CCBE1: variants seen among roughly 807,000 people sequenced by gnomAD.
CCBE1 encodes collagen and calcium-binding EGF domain-containing protein 1.
Under a neutral mutation model 50.0 loss-of-function variants are expected in CCBE1, and 37 were observed. The observed-to-expected ratio is 0.74, with a 90% confidence interval of 0.57 to 0.97. The LOEUF (loss-of-function observed/expected upper bound fraction) is 0.97. Among genes scored for constraint, CCBE1 ranks in the 50% least tolerant of loss-of-function variants. The pLI, the probability that CCBE1 is intolerant of heterozygous loss-of-function variation, is 0.00. For synonymous variants in CCBE1, 234 were observed against 203.7 expected (o/e 1.15, Z -1.27); for missense variants, 538 against 523.8 (o/e 1.03, Z -0.26).
chr18:59,472,464 A>AT (rs1386239762), intron 3 of CCBE1, among the ~76,000 whole-genome samples: 2 of 152,192 alleles, frequency 1.3e-5, no homozygotes, highest in African/African-American at 4.8e-5. Context: ...ATCACCAGAG[A>AT]TCCCCTCAAT....
At position 59,696,627 on chromosome 18, in the gene CCBE1, A is replaced by G. The variant is rs763082523; in HGVS notation, c.212+2T>C. 6.2e-7 allele frequency: 1 copy of G among 1,613,742 alleles called. No individual in the cohort carries two copies. The highest frequency in any genetic ancestry group is 8.5e-7 in the Non-Finnish European group (1 of 1,179,930). On this transcript the variant is annotated splice_donor_variant, in intron 2 of 10. Coordinates refer to ENST00000439986, the MANE Select transcript of CCBE1 (RefSeq NM_133459.4). LOFTEE classifies it high-confidence loss of function. ...AACAGCCCGCAGAGCCCCCAGGCTT[A>G]CCTGTAGCATGTGGTGAGCTCGCCT...
chr18:59,537,326 C>T (rs1326772474), intron 2 of CCBE1, among the ~76,000 whole-genome samples: 1 of 152,198 alleles, frequency 6.6e-6, no homozygotes, highest in Admixed American at 6.5e-5. Context: ...TTGGCTGTGT[C>T]CCCACCCAGA....
chr18:59,598,753 A>G (rs2053390050), intron 2 of CCBE1, among the ~76,000 whole-genome samples: 1 of 152,214 alleles, frequency 6.6e-6, no homozygotes, highest in African/African-American at 2.4e-5. Context: ...CAGTTCTCAG[A>G]TGGGCATATG....
At chr18:59,686,380 CA>C (rs1156487183) in intron 2 of CCBE1, among the ~76,000 whole-genome samples, 3 of 152,348 alleles carry the variant, frequency 2.0e-5, no homozygotes, top group African/African-American at 7.2e-5. Flanking sequence ...GTCAGGCCAT[CA>C]AAAGCCCAGT....
At chr18:59,586,305 T>G (rs1364243906) in intron 2 of CCBE1, among the ~76,000 whole-genome samples, 2 of 152,160 alleles carry the variant, frequency 1.3e-5, no homozygotes, top group African/African-American at 4.8e-5. Flanking sequence ...GCTAGTAGCA[T>G]GAAAATAGTG....
chr18:59,499,441 GGAA>G (rs1426340352), intron 2 of CCBE1, among the ~76,000 whole-genome samples: 5 of 152,246 alleles, frequency 3.3e-5, no homozygotes, highest in Admixed American at 2.0e-4. Context: ...AATTTATACA[GGAA>G]AAAGGTTTAA....
chr18:59,461,463 C>A (rs1055041969), intron 5 of CCBE1, among the ~76,000 whole-genome samples: 7 of 151,114 alleles, frequency 4.6e-5, no homozygotes, highest in African/African-American at 1.7e-4. Flanking sequence ...CTTCTCTCTA[C>A]CCTTGAGTTT....
intron 2 of CCBE1, among the ~76,000 whole-genome samples, chr18:59,543,834 CAA>C (rs10678902): frequency 2.0e-3 from 135 of 68,970 alleles, no homozygotes; most frequent in Middle Eastern, 0.01. Context: ...GACTCCGTCT[CAA>C]AAAAAAAAAA....
At chr18:59,560,708 G>A (rs2052723259) in intron 2 of CCBE1, among the ~76,000 whole-genome samples, 1 of 152,228 alleles carries the variant, frequency 6.6e-6, no homozygotes, top group African/African-American at 2.4e-5. Flanking sequence ...GTTAGTAACT[G>A]CATATGCTGC....
At chr18:59,693,212 TAAG>T (rs1396700752) in intron 2 of CCBE1, among the ~76,000 whole-genome samples, 2 of 152,180 alleles carry the variant, frequency 1.3e-5, no homozygotes, top group Admixed American at 6.5e-5. Context: ...ACCCTACTTC[TAAG>T]AAGAATGGCT....
chr18:59,566,239 T>C (rs977532012), intron 2 of CCBE1, among the ~76,000 whole-genome samples: 10 of 152,178 alleles, frequency 6.6e-5, no homozygotes, highest in Non-Finnish European at 1.0e-4. Context: ...CAATGTCTCT[T>C]CCAGGGCCAT....
chr18:59,539,125 A>G (rs893126036), intron 2 of CCBE1, among the ~76,000 whole-genome samples: 7 of 152,078 alleles, frequency 4.6e-5, no homozygotes, highest in African/African-American at 1.4e-4. Context: ...GCATGGACCT[A>G]TGATTGTGCC....
At chr18:59,600,400 G>A (rs890892606) in intron 2 of CCBE1, among the ~76,000 whole-genome samples, 6 of 152,022 alleles carry the variant, frequency 3.9e-5, no homozygotes, top group African/African-American at 9.7e-5. Context: ...ATTATGGTGA[G>A]TTGTGTAAGT....
intron 2 of CCBE1, among the ~76,000 whole-genome samples, chr18:59,629,803 G>A (rs928683056): frequency 6.6e-5 from 10 of 152,284 alleles, no homozygotes; most frequent in African/African-American, 1.4e-4. Flanking sequence ...ACAGCTTGTC[G>A]GGGGAAGGTG....
intron 2 of CCBE1, among the ~76,000 whole-genome samples, chr18:59,691,937 CTTCAAG>C (rs2144751526): frequency 6.6e-6 from 1 of 152,260 alleles, no homozygotes; most frequent in Non-Finnish European, 1.5e-5. Flanking sequence ...AGTGGTGTAA[CTTCAAG>C]TTCTAGTTCA....
In CCBE1 at chr18:59,696,722, G is replaced by T. The variant is rs772642883; in HGVS notation, c.132-13C>A. 1 of 1,613,186 alleles carries T rather than the reference G, an allele frequency of 6.2e-7. No homozygotes were observed. Among genetic ancestry groups the T allele is most frequent in the South Asian group, 1.1e-5 (1 of 91,052 alleles). On this transcript the variant is annotated splice_polypyrimidine_tract_variant and intron_variant, in intron 1 of 10. Coordinates refer to ENST00000439986, the MANE Select transcript of CCBE1 (RefSeq NM_133459.4). The stretch of plus-strand genomic sequence containing the variant: ...TGAGCAGATTTCTCTATGAAAAAGT[G>T]CAGAGGAAATGTTCGATTCTCAGCG...
intron 2 of CCBE1, among the ~76,000 whole-genome samples, chr18:59,612,213 C>T (rs1388579332): frequency 6.6e-6 from 1 of 151,736 alleles, no homozygotes; most frequent in Non-Finnish European, 1.5e-5. Flanking sequence ...CTTCATACTC[C>T]CTTAAACCAA....
chr18:59,570,748 T>C (rs1048907036), intron 2 of CCBE1, among the ~76,000 whole-genome samples: 2 of 152,100 alleles, frequency 1.3e-5, no homozygotes, highest in African/African-American at 4.8e-5. Flanking sequence ...GCTCTGTGTG[T>C]GAGGTTTTCA....
intron 2 of CCBE1, among the ~76,000 whole-genome samples, chr18:59,693,218 G>A (rs1006329409): frequency 2.0e-5 from 3 of 152,134 alleles, no homozygotes; most frequent in East Asian, 1.9e-4. Context: ...CTTCTAAGAA[G>A]AATGGCTCAG....
Sources: gnomAD v4.1 joint callset for allele counts (sites outside exome capture counted in the v4.1 genomes callset) on GRCh38, gnomAD v4.1.1 for gene constraint, MANE v1.5 for transcripts, NCBI Gene and HGNC (gene_info 2026-07-23, HGNC 2026-07-21) for gene names.